Variants in ZBTB20 observed in about 807,000 individuals in gnomAD.
The protein encoded by ZBTB20 is zinc finger and BTB domain-containing protein 20.
In ZBTB20, 9 loss-of-function variants were observed where a neutral mutation model predicts 56.9. The ratio of observed to expected loss-of-function variants is 0.16; its 90% CI spans 0.10 to 0.28. The LOEUF is 0.28. Among genes scored for constraint, ZBTB20 ranks in the 10% least tolerant of loss-of-function variants. The pLI, the probability that ZBTB20 is intolerant of heterozygous loss-of-function variation, is 1.00. For synonymous variants in ZBTB20, 417 were observed against 420.7 expected (o/e 0.99, Z 0.11); for missense variants, 655 against 1,003.0 (o/e 0.65, Z 4.69).
intron 6 of ZBTB20, among the ~76,000 whole-genome samples, chr3:114,553,892 C>T (rs1478683367): frequency 6.6e-6 from 1 of 152,128 alleles, no homozygotes; most frequent in African/African-American, 2.4e-5. Context: ...TATAATAGCA[C>T]ATTTAAAGTC....
chr3:114,753,527 C>T (rs578076410), intron 5 of ZBTB20, among the ~76,000 whole-genome samples: 17 of 151,144 alleles, frequency 1.1e-4, no homozygotes, highest in African/African-American at 4.1e-4. Flanking sequence ...CTCCGCCTCC[C>T]GAGTTCAAGC....
chr3:114,670,860 T>G (rs1445252206), intron 6 of ZBTB20, among the ~76,000 whole-genome samples: 1 of 152,094 alleles, frequency 6.6e-6, no homozygotes, highest in Non-Finnish European at 1.5e-5. Context: ...AGACAATGGG[T>G]CAAATGCAGC....
At chr3:114,483,350 AAAAT>A (rs2041757577) in intron 7 of ZBTB20, among the ~76,000 whole-genome samples, 1 of 152,022 alleles carries the variant, frequency 6.6e-6, no homozygotes, top group African/African-American at 2.4e-5. Flanking sequence ...AGTGATTTTG[AAAAT>A]AAATGAGTGA....
At chr3:114,565,265 TTTAA>T (rs1195776490) in intron 6 of ZBTB20, among the ~76,000 whole-genome samples, 1 of 152,166 alleles carries the variant, frequency 6.6e-6, no homozygotes, top group East Asian at 1.9e-4. Flanking sequence ...AAAAACAAAC[TTTAA>T]TTGTGTTTAA....
intron 7 of ZBTB20, among the ~76,000 whole-genome samples, chr3:114,493,313 C>A (rs971030918): frequency 1.3e-5 from 2 of 152,126 alleles, no homozygotes; most frequent in African/African-American, 4.8e-5. Flanking sequence ...TGGGCTATTA[C>A]AAATAAAGCT....
chr3:114,708,057 T>A (rs781510580), intron 5 of ZBTB20, among the ~76,000 whole-genome samples: 10 of 149,650 alleles, frequency 6.7e-5, no homozygotes, highest in Non-Finnish European at 1.3e-4. Context: ...AGAGGTAAGG[T>A]TTTTTCTTTC....
intron 1 of ZBTB20, among the ~76,000 whole-genome samples, chr3:115,114,896 A>G (rs2083977180): frequency 6.6e-6 from 1 of 152,088 alleles, no homozygotes; most frequent in African/African-American, 2.4e-5. Flanking sequence ...GGTGAGTAAA[A>G]TTAGAACCTT....
At chr3:115,073,575 T>G (rs1560548528) in intron 1 of ZBTB20, among the ~76,000 whole-genome samples, 3 of 152,084 alleles carry the variant, frequency 2.0e-5, no homozygotes, top group Non-Finnish European at 2.9e-5. Context: ...ATGCTACAAG[T>G]GCTGTACCAT....
intron 2 of ZBTB20, among the ~76,000 whole-genome samples, chr3:115,004,467 G>C (rs768919857): frequency 1.3e-5 from 2 of 151,458 alleles, no homozygotes; most frequent in Non-Finnish European, 3.0e-5. Context: ...AGCAAAACTG[G>C]ACAACTCTCA....
At chr3:114,355,938 C>T (rs1387436985) in intron 10 of ZBTB20, 2 of 152,016 alleles carry the variant, frequency 1.3e-5, no homozygotes, top group Admixed American at 6.6e-5. Flanking sequence ...GGGATTCTTC[C>T]CCACCCAAAA....
chr3:114,997,850 T>C (rs981408053), intron 2 of ZBTB20, among the ~76,000 whole-genome samples: 3 of 151,768 alleles, frequency 2.0e-5, no homozygotes, highest in Non-Finnish European at 4.4e-5. Flanking sequence ...AGCATGTACT[T>C]AGATGGATGT....
At chr3:114,650,837 T>C (rs2060090337) in intron 6 of ZBTB20, among the ~76,000 whole-genome samples, 1 of 152,060 alleles carries the variant, frequency 6.6e-6, no homozygotes, top group African/African-American at 2.4e-5. Context: ...TTTTAAACAC[T>C]GAAAAATAAA....
intron 1 of ZBTB20, among the ~76,000 whole-genome samples, chr3:115,131,858 A>C (rs1483788068): frequency 6.6e-6 from 1 of 152,132 alleles, no homozygotes; most frequent in Non-Finnish European, 1.5e-5. Context: ...TCATTTTCCA[A>C]CTAAGTTGTC....
intron 7 of ZBTB20, among the ~76,000 whole-genome samples, chr3:114,395,073 G>A (rs983785274): frequency 1.3e-5 from 2 of 152,090 alleles, no homozygotes; most frequent in African/African-American, 4.8e-5. Context: ...GCAATTCCCA[G>A]GTGAAGATAA....
chr3:114,879,097 CTGA>C (rs2076303377), intron 4 of ZBTB20, among the ~76,000 whole-genome samples: 2 of 152,124 alleles, frequency 1.3e-5, no homozygotes, highest in African/African-American at 4.8e-5. Context: ...TTTTCTGCAT[CTGA>C]TAATGCAAAT....
At chr3:114,457,259 C>T (rs2092075087) in intron 7 of ZBTB20, among the ~76,000 whole-genome samples, 1 of 152,116 alleles carries the variant, frequency 6.6e-6, no homozygotes, top group African/African-American at 2.4e-5. Flanking sequence ...CTCAGTTTTC[C>T]TTTCTGTAAA....
chr3:114,972,135 T>C (rs900106836), intron 3 of ZBTB20, among the ~76,000 whole-genome samples: 2 of 152,232 alleles, frequency 1.3e-5, no homozygotes, highest in Non-Finnish European at 2.9e-5. Flanking sequence ...ATTCTCATTA[T>C]ATTACAGAAA....
chr3:114,899,471 C>T (rs2075020087), intron 4 of ZBTB20, among the ~76,000 whole-genome samples: 1 of 151,986 alleles, frequency 6.6e-6, no homozygotes, highest in African/African-American at 2.4e-5. Context: ...TCTACTCTCC[C>T]AGATATTCTT....
intron 10 of ZBTB20, among the ~76,000 whole-genome samples, chr3:114,378,531 T>C (rs902209387): frequency 6.6e-6 from 1 of 152,248 alleles, no homozygotes; most frequent in Non-Finnish European, 1.5e-5. Flanking sequence ...AGGATGCTTA[T>C]GATAAAGCAC....
Sources: allele counts gnomAD v4.1 joint callset (sites outside exome capture counted in the v4.1 genomes callset), GRCh38; gene constraint gnomAD v4.1.1; transcripts MANE v1.5; gene names NCBI Gene and HGNC (gene_info 2026-07-23, HGNC 2026-07-21).